Variants in EDA2R observed in about 807,000 individuals in gnomAD.
The protein encoded by EDA2R is tumor necrosis factor receptor superfamily member 27.
Under a neutral mutation model 20.1 loss-of-function variants are expected in EDA2R, and 26 were observed. That is an observed-to-expected ratio of 1.30 (90% CI 0.95 to 1.80). The LOEUF is 1.80. Ranked by LOEUF, EDA2R falls within the 40% of genes most tolerant of loss-of-function variation. The probability of loss-of-function intolerance (pLI) is 0.00; values close to 1 mark genes in which losing one functional copy is unlikely to be tolerated. For missense variants in EDA2R, 277 were observed against 228.7 expected (o/e 1.21, Z -1.36); for synonymous variants, 114 against 88.7 (o/e 1.29, Z -1.60).
chrX:66,629,707 G>T (rs1244154737), intron 1 of EDA2R, among the ~76,000 whole-genome samples: 1 of 111,544 alleles, frequency 9.0e-6, no homozygotes, highest in East Asian at 2.8e-4. Context: ...ACAAACAAAT[G>T]GAAACATCCC....
At chrX:66,630,961 A>ACG (rs1200146493) in intron 1 of EDA2R, among the ~76,000 whole-genome samples, 1 of 109,950 alleles carries the variant, frequency 9.1e-6, no homozygotes, top group Non-Finnish European at 1.9e-5. Context: ...GTGTGTATAC[A>ACG]TACATATATA....
intron 2 of EDA2R, among the ~76,000 whole-genome samples, chrX:66,607,529 G>A (rs186568732): frequency 1.9e-4 from 21 of 110,950 alleles, no homozygotes; most frequent in African/African-American, 6.2e-4. Context: ...TGGGAGGATC[G>A]CTAGAGCCCG....
intron 4 of EDA2R, 112 bp downstream of exon 4, chrX:66,604,309 C>A: frequency 1.7e-6 from 1 of 578,787 alleles, no homozygotes; most frequent in Non-Finnish European, 2.6e-6. Flanking sequence ...GATTCCCTTG[C>A]CACTCTACTC....
rs768754194 is a variant in EDA2R, at chrX:66,599,720, C to T, written c.658G>A (p.Asp220Asn). 1.7e-6 allele frequency: 2 copies of T among 1,208,046 alleles called. No homozygotes were observed. The highest frequency in any genetic ancestry group is 2.2e-6 in the Non-Finnish European group (2 of 894,520). Residue 220 changes from aspartate (D) to asparagine (N), a missense_variant, in exon 6 of 7, where the codon GAC (aspartate) becomes AAC (asparagine). Transcript: ENST00000374719. ...QTQPLNPILE[D>N]DCSSTSGFPT... ...AAGCCACTAGTCGAGCTGCAGTCGT[C>T]CTCGAGGATAGGGTTAAGTGGCTGG...
In EDA2R at chrX:66,636,057, A is replaced by T. The variant is rs937565837; in HGVS notation, c.-11+2938T>A. 3.6e-5 allele frequency among the ~76,000 whole-genome samples: 4 copies of T among 110,250 alleles called. No homozygotes were observed. The East Asian group carries it at 1.2e-3, about 32-fold the overall frequency. The stretch of plus-strand genomic sequence containing the variant: ...CGGGCACTACAAGTGCCCAGCACCC[A>T]GTGCCCAGCTATTTAAAAAAATTTA... On this transcript the variant is annotated intron_variant, in intron 1 of 6. Coordinates refer to ENST00000374719, the MANE Select transcript of EDA2R (RefSeq NM_021783.5).
intron 2 of EDA2R, among the ~76,000 whole-genome samples, chrX:66,607,723 A>T (rs1194178798): frequency 8.9e-6 from 1 of 111,985 alleles, no homozygotes; most frequent in East Asian, 2.8e-4. Flanking sequence ...CCAAAACCAA[A>T]AGTAAAACAG....
chrX:66,607,477 G>C (rs1162782323), intron 2 of EDA2R, among the ~76,000 whole-genome samples: 1 of 111,148 alleles, frequency 9.0e-6, no homozygotes, highest in Non-Finnish European at 1.9e-5. Flanking sequence ...AGTTGGGAAT[G>C]GTGGCATGCA....
Position 66,605,191 on chromosome X carries a change from G to T in EDA2R, c.123C>A (p.Cys41Ter). The change falls in exon 3 of 7, where the codon TGC becomes TGA. Residue 41 changes from cysteine (C) to a stop codon, truncating the protein, a stop_gained. Transcript: ENST00000374719. LOFTEE classifies it high-confidence loss of function. Reference sequence around the variant, plus strand: ...TGTACCTGCGAGGAGGGCAGGCTGTGCAGTAGGCATCTCCACCCTCTCCAT... The same window carrying T: ...TGTACCTGCGAGGAGGGCAGGCTGTTCAGTAGGCATCTCCACCCTCTCCAT... ...CGYGEGGDAY[C>*]TACPPRRYKS... 1 of 1,209,428 alleles carries T rather than the reference G, an allele frequency of 8.3e-7. No homozygotes were observed. The highest frequency in any genetic ancestry group is 1.1e-6 in the Non-Finnish European group (1 of 894,378).
At chrX:66,599,361 C>T (rs1416076256) in intron 6 of EDA2R, 113 bp downstream of exon 6, 1 of 878,259 alleles carries the variant, frequency 1.1e-6, no homozygotes, top group Non-Finnish European at 1.5e-6. Context: ...TAGCTTGCTG[C>T]TGTTCCTCCA....
At chrX:66,614,703 T>C (rs1313852523) in intron 2 of EDA2R, among the ~76,000 whole-genome samples, 1 of 111,896 alleles carries the variant, frequency 8.9e-6, no homozygotes, top group East Asian at 2.8e-4. Flanking sequence ...TTTTTTAAAA[T>C]ACAAAGGTAG....
At chrX:66,623,772 C>A (rs1932836815) in intron 1 of EDA2R, among the ~76,000 whole-genome samples, 1 of 111,891 alleles carries the variant, frequency 8.9e-6, no homozygotes, top group African/African-American at 3.3e-5. Flanking sequence ...CAGATACCTG[C>A]ATGGCTACTT....
At chrX:66,606,325 T>C (rs758917113) in intron 2 of EDA2R, among the ~76,000 whole-genome samples, 6 of 112,171 alleles carry the variant, frequency 5.3e-5, no homozygotes, top group Non-Finnish European at 1.1e-4. Flanking sequence ...TGTGCATCAT[T>C]TCTAGCCAAT....
intron 1 of EDA2R, among the ~76,000 whole-genome samples, chrX:66,627,901 A>G (rs187332391): frequency 1.8e-5 from 2 of 112,119 alleles, no homozygotes; most frequent in African/African-American, 3.2e-5. Flanking sequence ...TCAACAGTGC[A>G]TGGAACTTTC....
chrX:66,603,936 A>T (rs1358503190), intron 4 of EDA2R, among the ~76,000 whole-genome samples: 1 of 112,394 alleles, frequency 8.9e-6, no homozygotes, highest in African/African-American at 3.2e-5. Context: ...CAATAATTTT[A>T]AAATAGGAAG....
At chrX:66,610,061 G>C (rs1930446893) in intron 2 of EDA2R, among the ~76,000 whole-genome samples, 1 of 110,693 alleles carries the variant, frequency 9.0e-6, no homozygotes, top group South Asian at 3.8e-4. Context: ...AAAGTTTCAG[G>C]GTAAAAGATT....
upstream of EDA2R, chrX:66,639,146 T>C: frequency 2.8e-5 from 1 of 35,139 alleles, no homozygotes; most frequent in African/African-American, 1.1e-4. Flanking sequence ...GACCCGCCCA[T>C]CAGCCCCGCC....
At chrX:66,618,707 G>A (rs1374595462) in intron 1 of EDA2R, among the ~76,000 whole-genome samples, 1 of 111,850 alleles carries the variant, frequency 8.9e-6, no homozygotes, top group Non-Finnish European at 1.9e-5. Flanking sequence ...ACATTCCCTG[G>A]ACTATGGTTA....
In EDA2R at chrX:66,637,107, T is replaced by C. The variant is rs151309156; in HGVS notation, c.-11+1888A>G. ...AGCTGTGTCTAGCTCAGAAGGTACATACTCTTTCTATTGCGTTATCCACAG... is the reference window on the plus strand; with the variant it reads ...AGCTGTGTCTAGCTCAGAAGGTACACACTCTTTCTATTGCGTTATCCACAG... On this transcript the variant is annotated intron_variant, in intron 1 of 6. Transcript: ENST00000374719. 9.9e-3 allele frequency among the ~76,000 whole-genome samples: 1,115 copies of C among 112,065 alleles called. 17 individuals are homozygous for C. The highest frequency in any genetic ancestry group is 0.09 in the East Asian group (319 of 3,531).
At chrX:66,604,182 G>T (rs774962287) in intron 4 of EDA2R, among the ~76,000 whole-genome samples, 1 of 111,880 alleles carries the variant, frequency 8.9e-6, no homozygotes, top group Non-Finnish European at 1.9e-5. Flanking sequence ...AAGGTATGAA[G>T]AAAAATGATT....
Sources: allele counts gnomAD v4.1 joint callset (sites outside exome capture counted in the v4.1 genomes callset), GRCh38; gene constraint gnomAD v4.1.1; transcripts MANE v1.5; gene names NCBI Gene and HGNC (gene_info 2026-07-23, HGNC 2026-07-21).